NHLRC2: variants seen among roughly 807,000 people sequenced by gnomAD.
NHLRC2 encodes NHL repeat-containing protein 2.
In NHLRC2, 33 loss-of-function variants were observed where a neutral mutation model predicts 68.1. The ratio of observed to expected loss-of-function variants is 0.48; its 90% confidence interval spans 0.37 to 0.65. NHLRC2 has a LOEUF of 0.65. Ranked by LOEUF, NHLRC2 falls within the 30% of genes least tolerant of loss-of-function variation. The pLI is 0.00. For missense variants in NHLRC2, 761 were observed against 853.8 expected (o/e 0.89, Z 1.35); for synonymous variants, 311 against 309.6 (o/e 1.00, Z -0.05).
chr10:113,855,183 T>G (rs1210120239), intron 1 of NHLRC2, 133 bp downstream of exon 1: 1 of 787,616 alleles, frequency 1.3e-6, no homozygotes, highest in Non-Finnish European at 2.1e-6. Flanking sequence ...TCGCCTAACT[T>G]GGGCCGCTGT....
chr10:113,858,572 G>A lies in NHLRC2; in HGVS notation c.223G>A (p.Asp75Asn), dbSNP rs1304726200. The A allele has an allele frequency of 1.2e-6, 2 of 1,609,888 alleles. No homozygotes were observed. Among genetic ancestry groups the A allele is most frequent in the East Asian group, 2.2e-5 (1 of 44,830 alleles). The change falls in exon 2 of 11, where the codon GAT becomes AAT. Residue 75 changes from aspartate (D) to asparagine (N), a missense_variant. Physicochemically the swap from Asp to Asn is conservative, Grantham distance 23. Coordinates refer to ENST00000369301, the MANE Select transcript of NHLRC2 (RefSeq NM_198514.4). ...AGAAGAACCTATTTCTGTCTACAAG[G>A]ATCTATGTGGAAAAATAGTCGTCCT... ...NTEEPISVYKDLCGKIVVLDF... is the reference protein window; with the variant it reads ...NTEEPISVYKNLCGKIVVLDF...
intron 1 of NHLRC2, among the ~76,000 whole-genome samples, chr10:113,857,348 G>C (rs1554899045): frequency 6.6e-6 from 1 of 151,912 alleles, no homozygotes; most frequent in Non-Finnish European, 1.5e-5. Flanking sequence ...CACTTGATCT[G>C]GTATATAATT....
intron 1 of NHLRC2, among the ~76,000 whole-genome samples, chr10:113,855,446 T>C (rs1018593749): frequency 6.6e-6 from 1 of 152,144 alleles, no homozygotes; most frequent in South Asian, 2.1e-4. Flanking sequence ...TTGATCACTT[T>C]TTCATGTATC....
At position 113,880,444 on chromosome 10, in the gene NHLRC2, C is replaced by G. The variant is rs186888913; in HGVS notation, c.909+749C>G. 2.7e-3 allele frequency among the ~76,000 whole-genome samples: 412 copies of G among 151,782 alleles called. 2 individuals carry two copies. The highest frequency in any genetic ancestry group is 9.7e-3 in the African/African-American group (401 of 41,440). On this transcript the variant is annotated intron_variant, in intron 4 of 10. Transcript: ENST00000369301. The stretch of plus-strand genomic sequence containing the variant: ...TGTACTCGGTTATTTCAGACATTTC[C>G]TCCTGATGGTTGTTTTGGCTAAACC...
In NHLRC2 at chr10:113,904,987, A is replaced by C. The variant is rs750571436; in HGVS notation, c.1875A>C (p.Gly625=). Residue 625 remains glycine, a synonymous_variant, in exon 10 of 11, where the codon GGA becomes GGC. Transcript: ENST00000369301. Reference sequence around the variant, plus strand: ...AACTCAGATTAGACCTCCCATCAGGATCAAAGCTAACTGAAGGAGTATCCA... The same window carrying C: ...AACTCAGATTAGACCTCCCATCAGGCTCAAAGCTAACTGAAGGAGTATCCA... ...QFKLRLDLPS[G]SKLTEGVSSC... 34 of 1,552,754 alleles carry C rather than the reference A, an allele frequency of 2.2e-5. No homozygotes were observed. Among genetic ancestry groups the C allele is most frequent in the Admixed American group, 6.3e-5 (3 of 47,654 alleles).
chr10:113,891,241 G>A (rs1846128263), intron 5 of NHLRC2, among the ~76,000 whole-genome samples: 1 of 152,040 alleles, frequency 6.6e-6, no homozygotes, highest in South Asian at 2.1e-4. Flanking sequence ...TATCTATTTA[G>A]GTGTGTTGAC....
chr10:113,859,703 TC>T, intron 2 of NHLRC2, among the ~76,000 whole-genome samples: 1 of 152,322 alleles, frequency 6.6e-6, no homozygotes, highest in African/African-American at 2.4e-5. Context: ...TGTTTCTTGT[TC>T]AAGACATCAC....
rs1437210265 is a variant in NHLRC2, at chr10:113,916,198, A to G, written c.*7662A>G. 4 of 152,314 alleles carry G rather than the reference A, an allele frequency of 2.6e-5. No individual in the cohort carries two copies. The East Asian group carries it at 7.7e-4, about 29-fold the overall frequency. The allele number at this position is 152,314 out of a possible 1,614,324, so 9.4% of individuals were successfully genotyped here. A position where few individuals can be genotyped will look rare whatever the true frequency, so the allele number is the denominator to read the frequency against. On this transcript the variant is annotated 3_prime_UTR_variant, in exon 11 of 11. Transcript: ENST00000369301. ...TATTTATTACACTTTTCAAAATGCC[A>G]GCAAGTTTTTGTTTGTATAGAGTTG...
chr10:113,916,868 T>C lies in NHLRC2; in HGVS notation c.*8332T>C, dbSNP rs1393958917. The stretch of plus-strand genomic sequence containing the variant: ...AATCTACAAGTTCATATATTGGTAT[T>C]TCTAGACATAGTCTAGTTCTAAAAG... On this transcript the variant is annotated 3_prime_UTR_variant, in exon 11 of 11. Transcript: ENST00000369301. 2 of 152,234 alleles carry C rather than the reference T, an allele frequency of 1.3e-5. No individual in the cohort carries two copies. Among genetic ancestry groups the C allele is most frequent in the African/African-American group, 4.8e-5 (2 of 41,458 alleles). 9.4% of individuals were successfully genotyped at this position (152,234 alleles called of 1,614,324 possible). A position where few individuals can be genotyped will look rare whatever the true frequency, so the allele number is the denominator to read the frequency against.
At chr10:113,893,387 G>C (rs1024047667) in intron 5 of NHLRC2, among the ~76,000 whole-genome samples, 10 of 152,120 alleles carry the variant, frequency 6.6e-5, no homozygotes, top group Admixed American at 2.0e-4. Flanking sequence ...AAGTTTAGCT[G>C]GGTGAATTTC....
In NHLRC2 at chr10:113,904,721, GA is replaced by G. The variant is rs1226879284; in HGVS notation, c.1705-94del. On this transcript the variant is annotated intron_variant, in intron 9 of 10. Transcript: ENST00000369301. ...AATGGCGATTAGTTTCATTGACATA[GA>G]ACTTCATTATTCTACTAAAGTCTAA... The G allele has an allele frequency of 6.9e-6, 6 of 874,998 alleles. No individual in the cohort carries two copies. The East Asian group carries it at 1.6e-4, about 23-fold the overall frequency. The allele number at this position is 874,998 out of a possible 1,614,324, so 54.2% of individuals were successfully genotyped here.
chr10:113,870,601 C>G (rs1168776930), intron 2 of NHLRC2, among the ~76,000 whole-genome samples: 1 of 152,140 alleles, frequency 6.6e-6, no homozygotes, highest in Admixed American at 6.5e-5. Flanking sequence ...AATAAATAAT[C>G]TTGTAGATAT....
chr10:113,861,518 A>G (rs1197217968), intron 2 of NHLRC2, among the ~76,000 whole-genome samples: 1 of 152,204 alleles, frequency 6.6e-6, no homozygotes, highest in South Asian at 2.1e-4. Flanking sequence ...TCAAAGTACT[A>G]AAGGAACAAA....
intron 5 of NHLRC2, among the ~76,000 whole-genome samples, chr10:113,891,088 A>G (rs907641758): frequency 1.3e-5 from 2 of 152,292 alleles, no homozygotes; most frequent in Non-Finnish European, 1.5e-5. Flanking sequence ...GGGGATTACA[A>G]TTCAGATTAC....
rs117990757 is a variant in NHLRC2, at chr10:113,898,776, C to T, written c.1139+567C>T. Among the ~76,000 whole-genome samples, 1,084 of 152,318 alleles carry T rather than the reference C, an allele frequency of 7.1e-3. 7 individuals are homozygous for T. The highest frequency in any genetic ancestry group is 0.03 in the Admixed American group (457 of 15,302). ...TCAGGCCTGAGGTTGAATCCTGGCT[C>T]TGCCATTTACTATCTGTGTGAGTTT... On this transcript the variant is annotated intron_variant, in intron 6 of 10. Transcript: ENST00000369301.
chr10:113,871,055 G>A (rs1035617239), intron 2 of NHLRC2, among the ~76,000 whole-genome samples: 27 of 12,908 alleles, frequency 2.1e-3, no homozygotes, highest in African/African-American at 8.8e-3. Flanking sequence ...ACGGAGTTTT[G>A]TTCTTATTGC....
chr10:113,865,889 G>A (rs146549492), intron 2 of NHLRC2, among the ~76,000 whole-genome samples: 96 of 152,198 alleles, frequency 6.3e-4, no homozygotes, highest in South Asian at 1.7e-3. Context: ...AATTGAATTT[G>A]CTTTTTTGTA....
intron 5 of NHLRC2, among the ~76,000 whole-genome samples, chr10:113,887,085 A>G (rs1330192479): frequency 1.3e-5 from 2 of 152,226 alleles, no homozygotes; most frequent in Non-Finnish European, 1.5e-5. Flanking sequence ...AAGAGATATG[A>G]ATGGTAAGCA....
chr10:113,861,179 A>G (rs1417372910), intron 2 of NHLRC2, among the ~76,000 whole-genome samples: 1 of 152,230 alleles, frequency 6.6e-6, no homozygotes, highest in Non-Finnish European at 1.5e-5. Context: ...GAGATTGAGG[A>G]AGAGAAAACA....
Sources: allele counts gnomAD v4.1 joint callset (sites outside exome capture counted in the v4.1 genomes callset), GRCh38; gene constraint gnomAD v4.1.1; transcripts MANE v1.5; gene names NCBI Gene and HGNC (gene_info 2026-07-23, HGNC 2026-07-21).